TEX11: variants seen among roughly 807,000 people sequenced by gnomAD.
TEX11 encodes testis-expressed protein 11.
In TEX11, 7 loss-of-function variants were observed where a neutral mutation model predicts 84.4. That is an observed-to-expected ratio of 0.08 (90% CI 0.05 to 0.16). The LOEUF (loss-of-function observed/expected upper bound fraction) is 0.16, where lower values mean the gene tolerates loss of function less well. Ranked by LOEUF, TEX11 falls within the 10% of genes least tolerant of loss-of-function variation. The pLI is 1.00. For synonymous variants in TEX11, 264 were observed against 222.8 expected (o/e 1.18, Z -1.64); for missense variants, 551 against 660.5 (o/e 0.83, Z 1.82).
At chrX:70,550,771 G>A (rs1464530025) in intron 28 of TEX11, among the ~76,000 whole-genome samples, 2 of 111,583 alleles carry the variant, frequency 1.8e-5, no homozygotes, top group African/African-American at 6.5e-5. Context: ...TGAGGATGTG[G>A]AGAAAAGGGA....
rs1438744662 is a variant in TEX11, at chrX:70,623,999, G to C, written c.1702C>G (p.Leu568Val). Residue 568 changes from leucine (L) to valine (V), a missense_variant, in exon 20 of 30, where the codon CTT (leucine) becomes GTT (valine). Coordinates refer to ENST00000374333, the MANE Select transcript of TEX11 (RefSeq NM_031276.3). ...EQVLTAVKCL[L>V]RFLLPKIAEM... ...GCAATTTTTGGAAGAAGAAAACGAA[G>C]CAAACACCTGTATGACAAAGTAATA... is the stretch of plus-strand genomic sequence containing the variant. The C allele has an allele frequency of 8.3e-7, 1 of 1,203,544 alleles. No individual in the cohort carries two copies. The highest frequency in any genetic ancestry group is 3.0e-5 in the East Asian group (1 of 33,571).
chrX:70,728,485 G>T (rs958903244), intron 11 of TEX11, among the ~76,000 whole-genome samples: 1 of 112,977 alleles, frequency 8.9e-6, no homozygotes, highest in Admixed American at 9.3e-5. Flanking sequence ...CACTTCCAAC[G>T]GTCTTAGCAA....
intron 25 of TEX11, among the ~76,000 whole-genome samples, chrX:70,584,046 G>A (rs1418644501): frequency 1.0e-4 from 11 of 110,170 alleles, no homozygotes; most frequent in East Asian, 2.8e-4. Flanking sequence ...TTGGGAGGCC[G>A]AGGCGGGTGG....
At chrX:70,908,342 C>T (rs1384059272) in intron 1 of TEX11, among the ~76,000 whole-genome samples, 1 of 110,224 alleles carries the variant, frequency 9.1e-6, no homozygotes, top group Admixed American at 9.7e-5. Flanking sequence ...TTGCCCCCAA[C>T]GGTCATCAAC....
intron 25 of TEX11, among the ~76,000 whole-genome samples, chrX:70,563,486 T>A (rs1451945994): frequency 1.8e-5 from 2 of 112,050 alleles, no homozygotes; most frequent in Non-Finnish European, 3.8e-5. Context: ...AGAGGCAGCA[T>A]GGAGAGAGTG....
intron 28 of TEX11, among the ~76,000 whole-genome samples, chrX:70,550,158 A>G (rs1273960552): frequency 8.9e-6 from 1 of 112,888 alleles, no homozygotes. Flanking sequence ...AGTCTCTTCA[A>G]TAAATGGTGC....
chrX:70,722,635 C>A lies in TEX11; in HGVS notation c.987G>T (p.Leu329=). 1 of 1,204,906 alleles carries A rather than the reference C, an allele frequency of 8.3e-7. No homozygotes were observed. Among genetic ancestry groups the A allele is most frequent in the South Asian group, 1.8e-5 (1 of 56,532 alleles). The change falls in exon 13 of 30, where the codon CTG becomes CTT. Residue 329 remains leucine, a synonymous_variant. Coordinates refer to ENST00000374333, the MANE Select transcript of TEX11 (RefSeq NM_031276.3). ...TTCTGTACCTTTCATGATCCATCAG[C>A]AGTTTAGCAATGTTCAGACAGAAGT... The part of the protein sequence containing the change: ...PLDFCLNIAK[L]LMDHERESVG...
chrX:70,754,188 C>G (rs746787760), intron 9 of TEX11, among the ~76,000 whole-genome samples: 1 of 110,455 alleles, frequency 9.1e-6, no homozygotes, highest in South Asian at 3.9e-4. Context: ...ATTTCTGGAC[C>G]GTGAGTGAGA....
chrX:70,746,520 T>G (rs1330225785), intron 9 of TEX11, among the ~76,000 whole-genome samples: 1 of 111,358 alleles, frequency 9.0e-6, no homozygotes, highest in Non-Finnish European at 1.9e-5. Context: ...ATGGTAGGGG[T>G]GCCATTTCAA....
chrX:70,828,107 A>C (rs961189437), intron 8 of TEX11, among the ~76,000 whole-genome samples: 1 of 111,240 alleles, frequency 9.0e-6, no homozygotes, highest in Admixed American at 9.6e-5. Context: ...AGGCCTTCCC[A>C]AGAAGGACTG....
chrX:70,857,562 G>T, intron 5 of TEX11: 1 of 260,309 alleles, frequency 3.8e-6, no homozygotes, highest in Non-Finnish European at 7.3e-6. Context: ...TGTAGCTAAA[G>T]ATTCAAGATA....
At chrX:70,752,524 C>CAAAAAAAAAAAA (rs753939405) in intron 9 of TEX11, among the ~76,000 whole-genome samples, 6 of 28,128 alleles carry the variant, frequency 2.1e-4, no homozygotes, top group Admixed American at 1.4e-3. Flanking sequence ...TACTCTGTCT[C>CAAAAAAAAAAAA]AAAAAAAAAA....
At chrX:70,632,629 C>A (rs1309432767) in intron 17 of TEX11, among the ~76,000 whole-genome samples, 2 of 110,970 alleles carry the variant, frequency 1.8e-5, no homozygotes, top group Non-Finnish European at 3.8e-5. Context: ...TTAGTAAAAC[C>A]AAAAGCTGGG....
intron 14 of TEX11, among the ~76,000 whole-genome samples, 180 bp from the exon 15 acceptor site, chrX:70,679,069 C>T (rs1005815188): frequency 8.9e-6 from 1 of 112,740 alleles, no homozygotes; most frequent in South Asian, 3.6e-4. Context: ...CTGCCGACTG[C>T]CTGCGATTGC....
chrX:70,762,272 T>C (rs1282944501), intron 9 of TEX11, among the ~76,000 whole-genome samples: 1 of 112,249 alleles, frequency 8.9e-6, no homozygotes. Flanking sequence ...ATTATGACAC[T>C]GTAACTGTGG....
chrX:70,549,719 T>C (rs2088188652), intron 28 of TEX11, among the ~76,000 whole-genome samples: 1 of 111,879 alleles, frequency 8.9e-6, no homozygotes, highest in Non-Finnish European at 1.9e-5. Context: ...GACTTTGTCT[T>C]GTGGTTTGGA....
At chrX:70,537,878 C>T (rs2087983120) in intron 28 of TEX11, among the ~76,000 whole-genome samples, 1 of 111,052 alleles carries the variant, frequency 9.0e-6, no homozygotes, top group East Asian at 2.8e-4. Context: ...AATGAAGTTA[C>T]CAAGGAAGGA....
At chrX:70,901,028 G>C (rs911816474) in intron 2 of TEX11, among the ~76,000 whole-genome samples, 4 of 111,529 alleles carry the variant, frequency 3.6e-5, no homozygotes, top group African/African-American at 9.8e-5. Context: ...GACCAGCCTG[G>C]GAAACATGGT....
At chrX:70,605,287 C>A in intron 24 of TEX11, 114 bp downstream of exon 24, 2 of 471,653 alleles carry the variant, frequency 4.2e-6, no homozygotes, top group South Asian at 9.0e-5. Flanking sequence ...CAAGACGATG[C>A]TGGAGTGGAG....
Sources: gnomAD v4.1 joint callset for allele counts (sites outside exome capture counted in the v4.1 genomes callset) on GRCh38, gnomAD v4.1.1 for gene constraint, MANE v1.5 for transcripts, NCBI Gene and HGNC (gene_info 2026-07-23, HGNC 2026-07-21) for gene names.